The following ENTPD7 variants were observed in gnomAD, a reference collection of about 807,000 sequenced individuals.
ENTPD7 encodes NTPDase 7.
Under a neutral mutation model 77.9 loss-of-function variants are expected in ENTPD7, and 53 were observed. The ratio of observed to expected loss-of-function variants is 0.68; its 90% CI spans 0.55 to 0.85. The LOEUF is 0.85. Ranked by LOEUF, ENTPD7 falls within the 40% of genes least tolerant of loss-of-function variation. ENTPD7 has a pLI of 0.00. For synonymous variants in ENTPD7, 248 were observed against 274.9 expected, an observed-to-expected ratio of 0.90 and a Z score of 0.97; for missense variants, 636 against 743.7, an observed-to-expected ratio of 0.86 and a Z score of 1.68.
rs568783235 is a variant in ENTPD7 at position 99,678,721 on chromosome 10, G to A, written c.192-540G>A. 1.6e-3 allele frequency among the ~76,000 whole-genome samples: 236 copies of A among 147,512 alleles called. 1 individual carries two copies. Among genetic ancestry groups the A allele is most frequent in the African/African-American group, 4.9e-3 (197 of 39,844 alleles). ...GAATTTGGGAGGCAGAGGTTGCAGT[G>A]AGCTGAGATCGTGCCACTGCGCTCC... On this transcript the variant is annotated intron_variant, in intron 3 of 12. Transcript: ENST00000370489.
chr10:99,661,497 A>G lies in ENTPD7; in HGVS notation c.60A>G (p.Thr20=). ...CPASWYFTVP[T]VSPFLRQRVA... ...CCTCCTGGTACTTCACTGTGCCCAC[A>G]GTGAGTCCATTTCTCCGTCAGCGGG... The change falls in exon 3 of 13, where the codon ACA becomes ACG. Residue 20 remains threonine, a synonymous_variant. Transcript: ENST00000370489. 2 of 1,613,940 alleles carry G rather than the reference A, an allele frequency of 1.2e-6. No individual in the cohort carries two copies. Among genetic ancestry groups the G allele is most frequent in the African/African-American group, 2.7e-5 (2 of 75,032 alleles).
chr10:99,675,546 CT>C (rs1319138340), intron 3 of ENTPD7, among the ~76,000 whole-genome samples: 1 of 2,152 alleles, frequency 4.6e-4, no homozygotes, highest in African/African-American at 5.0e-3. Flanking sequence ...TGCAACTCAT[CT>C]TTTTTTAGGG....
rs2036289963 is a variant in ENTPD7 at position 99,708,235 on chromosome 10, A to G, written c.*3552A>G. ...CAGTGATTGCTGAAAAATGTCTGCC[A>G]TGCACTTGCTAAGCTAGTGTTTTTA... On this transcript the variant is annotated 3_prime_UTR_variant, in exon 13 of 13. Transcript: ENST00000370489. 6.6e-6 allele frequency among the ~76,000 whole-genome samples: 1 copy of G among 152,010 alleles called. No individual in the cohort carries two copies.
chr10:99,698,830 A>G lies in ENTPD7; in HGVS notation c.1307A>G (p.His436Arg). ...EDVLRIGGRY[H>R]GPTFAKAAQD... is the part of the protein sequence containing the mutation. ...GTGTTGCGCATTGGTGGCCGCTACC[A>G]TGGGCCAACATTTGCCAAGGCTGCT... Residue 436 changes from histidine (H) to arginine (R), a missense_variant, in exon 10 of 13, where the codon CAT (histidine) becomes CGT (arginine). This residue lies in a region of ENTPD7 where 486 missense variants were observed against 556.5 expected (regional missense o/e 0.87). Transcript: ENST00000370489. 1.2e-6 allele frequency: 2 copies of G among 1,606,166 alleles called. No individual in the cohort carries two copies. Among genetic ancestry groups the G allele is most frequent in the Non-Finnish European group, 1.7e-6 (2 of 1,175,010 alleles).
At chr10:99,675,116 G>T (rs544774299) in intron 3 of ENTPD7, among the ~76,000 whole-genome samples, 1 of 152,170 alleles carries the variant, frequency 6.6e-6, no homozygotes, top group Admixed American at 6.5e-5. Flanking sequence ...TTTCAGACTT[G>T]TGTATTTTAT....
At chr10:99,672,454 C>G (rs1323845583) in intron 3 of ENTPD7, among the ~76,000 whole-genome samples, 1 of 151,912 alleles carries the variant, frequency 6.6e-6, no homozygotes, top group Non-Finnish European at 1.5e-5. Context: ...CAAAGGCAAG[C>G]ACCACCACAC....
chr10:99,710,634 A>G lies in ENTPD7; in HGVS notation c.*5951A>G. On this transcript the variant is annotated 3_prime_UTR_variant, in exon 13 of 13. Transcript: ENST00000370489. ...GTGATGCATGTTAGAGAGGTGATGC[A>G]TTCTCCCTTATGCAGGGACATGGGT... is the stretch of plus-strand genomic sequence containing the variant. 1.0e-6 allele frequency: 1 copy of G among 985,412 alleles called. No individual in the cohort carries two copies. Among genetic ancestry groups the G allele is most frequent in the Non-Finnish European group, 1.2e-6 (1 of 829,900 alleles). 61.0% of individuals were successfully genotyped at this position (985,412 alleles called of 1,614,324 possible). A position where few individuals can be genotyped will look rare whatever the true frequency, so the allele number is the denominator to read the frequency against.
At position 99,698,595 on chromosome 10, in the gene ENTPD7, G is replaced by A; in HGVS notation, c.1072G>A (p.Val358Met). 6.2e-7 allele frequency: 1 copy of A among 1,614,218 alleles called. No individual in the cohort carries two copies. Among genetic ancestry groups the A allele is most frequent in the Middle Eastern group, 1.6e-4 (1 of 6,062 alleles). The change falls in exon 10 of 13, where the codon GTG becomes ATG. Residue 358 changes from valine to methionine, a missense_variant. This residue lies in a region of ENTPD7 where 486 missense variants were observed against 556.5 expected (regional missense o/e 0.87). Coordinates refer to ENST00000370489, the MANE Select transcript of ENTPD7 (RefSeq NM_020354.5). The stretch of plus-strand genomic sequence containing the variant: ...TCCATTTCTGGATCCCTGCCTGCCA[G>A]TGGGACTCACAGATGTGGTGGAGAG... The part of the protein sequence containing the change: ...DNPFLDPCLP[V>M]GLTDVVERNS...
chr10:99,701,850 C>T (rs959049608), intron 11 of ENTPD7, among the ~76,000 whole-genome samples: 2 of 151,610 alleles, frequency 1.3e-5, no homozygotes, highest in African/African-American at 4.8e-5. Context: ...GAGTTCAAGA[C>T]CAGCCTGGCT....
intron 9 of ENTPD7, chr10:99,697,581 CT>C: frequency 6.5e-6 from 1 of 155,020 alleles, no homozygotes; most frequent in Non-Finnish European, 1.4e-5. Flanking sequence ...GTCTATTAAC[CT>C]ATTTCCTGAG....
At position 99,690,475 on chromosome 10, in the gene ENTPD7, T is replaced by G. The variant is rs148180804; in HGVS notation, c.710-910T>G. 2.0e-5 allele frequency among the ~76,000 whole-genome samples: 3 copies of G among 152,356 alleles called. No individual in the cohort carries two copies. The East Asian group carries it at 5.8e-4, about 29-fold the overall frequency. ...TATACCTATATCCTTTTTGTTCTGT[T>G]ATGCTGAATCTTTGTTCCTAAAGAT... On this transcript the variant is annotated intron_variant, in intron 7 of 12. Transcript: ENST00000370489.
At position 99,700,904 on chromosome 10, in the gene ENTPD7, G is replaced by C. The variant is rs569310815; in HGVS notation, c.1336-69G>C. On this transcript the variant is annotated intron_variant, in intron 10 of 12. Transcript: ENST00000370489. ...AAGTAACTTTAGAAATGGAACAGCT[G>C]TGACTGTGGGGAAGGTAGAGAGTTT... 63 of 1,274,062 alleles carry C rather than the reference G, an allele frequency of 4.9e-5. No homozygotes were observed. The South Asian group carries it at 7.2e-4, about 15-fold the overall frequency. 78.9% of individuals were successfully genotyped at this position (1,274,062 alleles called of 1,614,324 possible).
rs1382821829 is a variant in ENTPD7 at position 99,704,901 on chromosome 10, TGGTGCTAATA to T, written c.*219_*228del. 1.7e-6 allele frequency: 1 copy of T among 580,672 alleles called. No individual in the cohort carries two copies. The highest frequency in any genetic ancestry group is 1.9e-5 in the African/African-American group (1 of 53,412). 36.0% of individuals were successfully genotyped at this position (580,672 alleles called of 1,614,324 possible). On this transcript the variant is annotated 3_prime_UTR_variant, in exon 13 of 13. Transcript: ENST00000370489. ...TGTGAGGAACTAAATGACAGGAGAT[TGGTGCTAATA>T]CGGGGGACCAAGCTTTGTCCAAGTG... is the stretch of plus-strand genomic sequence containing the variant.
chr10:99,692,027 C>T (rs1045795143), intron 8 of ENTPD7, among the ~76,000 whole-genome samples: 1 of 152,150 alleles, frequency 6.6e-6, no homozygotes, highest in Non-Finnish European at 1.5e-5. Flanking sequence ...ACTTTTTGTA[C>T]AGCCATTATG....
At chr10:99,680,678 C>G (rs1349148890) in intron 5 of ENTPD7, among the ~76,000 whole-genome samples, 1 of 152,004 alleles carries the variant, frequency 6.6e-6, no homozygotes, top group Non-Finnish European at 1.5e-5. Context: ...CCTCTGCCCC[C>G]CAGGCCCAAG....
chr10:99,668,213 G>A (rs1459116305), intron 3 of ENTPD7, among the ~76,000 whole-genome samples: 2 of 152,078 alleles, frequency 1.3e-5, no homozygotes, highest in Non-Finnish European at 2.9e-5. Context: ...GGGATTACAG[G>A]CGTGAGCCAC....
chr10:99,709,041 A>G lies in ENTPD7; in HGVS notation c.*4358A>G, dbSNP rs2036306731. ...ATAGTGCCAAGTTTTCACTACATCT[A>G]TTCTTGTTCCTGTATTTCTTTTCGT... On this transcript the variant is annotated 3_prime_UTR_variant, in exon 13 of 13. Coordinates refer to ENST00000370489, the MANE Select transcript of ENTPD7 (RefSeq NM_020354.5). 5.1e-6 allele frequency: 5 copies of G among 983,316 alleles called. No homozygotes were observed. Among genetic ancestry groups the G allele is most frequent in the Non-Finnish European group, 6.0e-6 (5 of 828,002 alleles). 60.9% of individuals were successfully genotyped at this position (983,316 alleles called of 1,614,324 possible).
At chr10:99,684,664 T>C (rs1453406874) in intron 5 of ENTPD7, among the ~76,000 whole-genome samples, 2 of 152,226 alleles carry the variant, frequency 1.3e-5, no homozygotes. Flanking sequence ...CAGCAGAATA[T>C]TTTTGTATTG....
rs886046600 is a variant in ENTPD7, at chr10:99,710,917, C to T, written c.*6234C>T. Reference sequence around the variant, plus strand: ...TCCTTCATGTTTTAAAAACAATGGACGTAAGTGCAGAGAGACCTTTGAAAA... The same window carrying T: ...TCCTTCATGTTTTAAAAACAATGGATGTAAGTGCAGAGAGACCTTTGAAAA... On this transcript the variant is annotated 3_prime_UTR_variant, in exon 13 of 13. Transcript: ENST00000370489. 5.0e-5 allele frequency: 49 copies of T among 985,102 alleles called. No individual in the cohort carries two copies. Among genetic ancestry groups the T allele is most frequent in the East Asian group, 1.1e-4 (1 of 8,830 alleles). The allele number at this position is 985,102 out of a possible 1,614,324, so 61.0% of individuals were successfully genotyped here.
Sources: allele counts gnomAD v4.1 joint callset (sites outside exome capture counted in the v4.1 genomes callset), GRCh38; gene constraint gnomAD v4.1.1; regional missense constraint gnomAD v4.1.1; transcripts MANE v1.5; gene names NCBI Gene and HGNC (gene_info 2026-07-23, HGNC 2026-07-21).